The following L3MBTL4 variants were observed in gnomAD, a reference collection of about 807,000 sequenced individuals.
L3MBTL4 encodes lethal(3)malignant brain tumor-like protein 4.
A neutral mutation model predicts 84.5 loss-of-function variants in L3MBTL4; 70 were observed. The observed-to-expected ratio is 0.83, with a 90% CI of 0.68 to 1.01. The LOEUF (loss-of-function observed/expected upper bound fraction) is 1.01, where lower values mean the gene tolerates loss of function less well. Ranked by LOEUF, L3MBTL4 falls within the 50% of genes least tolerant of loss-of-function variation. L3MBTL4 has a pLI of 0.00. For synonymous variants in L3MBTL4, 274 were observed against 259.8 expected (o/e 1.05, Z -0.52); for missense variants, 715 against 754.8 (o/e 0.95, Z 0.62).
intron 12 of L3MBTL4, among the ~76,000 whole-genome samples, chr18:6,187,939 T>C (rs555687834): frequency 6.6e-6 from 1 of 151,850 alleles, no homozygotes; most frequent in East Asian, 1.9e-4. Context: ...TAACCTAAAT[T>C]AAAATAATCA....
intron 1 of L3MBTL4, among the ~76,000 whole-genome samples, chr18:6,343,679 G>T (rs201180278): frequency 7.4e-6 from 1 of 135,650 alleles, no homozygotes; most frequent in Non-Finnish European, 1.6e-5. Context: ...AAAAAAAAAA[G>T]AAGTTGTAAA....
chr18:6,041,580 G>A (rs182287484), intron 16 of L3MBTL4, among the ~76,000 whole-genome samples: 1 of 149,066 alleles, frequency 6.7e-6, no homozygotes, highest in African/African-American at 2.5e-5. Context: ...TGCTCTTCCT[G>A]TGCGTGCATA....
intron 1 of L3MBTL4, among the ~76,000 whole-genome samples, chr18:6,352,250 C>G (rs565080501): frequency 5.3e-5 from 8 of 152,316 alleles, no homozygotes; most frequent in African/African-American, 1.9e-4. Flanking sequence ...GATCATTTCA[C>G]CTCAAAGTAA....
At chr18:6,119,853 T>C (rs1371904323) in intron 14 of L3MBTL4, among the ~76,000 whole-genome samples, 4 of 151,956 alleles carry the variant, frequency 2.6e-5, no homozygotes, top group Non-Finnish European at 5.9e-5. Context: ...GGAGAAAGAG[T>C]ATCAGATGAG....
intron 12 of L3MBTL4, among the ~76,000 whole-genome samples, chr18:6,186,666 G>A (rs934542806): frequency 6.6e-6 from 1 of 152,180 alleles, no homozygotes; most frequent in Non-Finnish European, 1.5e-5. Flanking sequence ...CAGTCCAAGG[G>A]CAGAAAGGCA....
intron 15 of L3MBTL4, among the ~76,000 whole-genome samples, chr18:6,091,216 G>A (rs1039614344): frequency 3.9e-5 from 6 of 152,048 alleles, no homozygotes; most frequent in South Asian, 2.1e-4. Context: ...ATTCCTTGTC[G>A]ATTCCTTTGT....
intron 3 of L3MBTL4, among the ~76,000 whole-genome samples, chr18:6,305,822 C>T (rs569681263): frequency 5.3e-5 from 8 of 152,322 alleles, no homozygotes; most frequent in East Asian, 3.9e-4. Flanking sequence ...TACTACAAGG[C>T]ACAGTGACGT....
intron 16 of L3MBTL4, chr18:6,017,816 CG>C (rs775038229): frequency 5.9e-5 from 9 of 152,186 alleles, no homozygotes; most frequent in Non-Finnish European, 1.3e-4. Context: ...AAGATGTAGT[CG>C]TTCTGACAAG....
intron 4 of L3MBTL4, among the ~76,000 whole-genome samples, chr18:6,283,257 G>A (rs1316972932): frequency 6.6e-6 from 1 of 152,040 alleles, no homozygotes; most frequent in Non-Finnish European, 1.5e-5. Flanking sequence ...CAAACTATTG[G>A]CAAAAATCTA....
chr18:6,029,192 CAAAAGTAGA>C (rs2055655615), intron 16 of L3MBTL4, among the ~76,000 whole-genome samples: 1 of 152,096 alleles, frequency 6.6e-6, no homozygotes, highest in African/African-American at 2.4e-5. Context: ...AAAATTAAAG[CAAAAGTAGA>C]ATTAAGTGAA....
intron 1 of L3MBTL4, among the ~76,000 whole-genome samples, chr18:6,362,946 C>T (rs2053773311): frequency 1.3e-5 from 2 of 152,208 alleles, no homozygotes; most frequent in African/African-American, 4.8e-5. Context: ...CTCTGATGCC[C>T]GCGGAAAGCA....
intron 16 of L3MBTL4, among the ~76,000 whole-genome samples, chr18:6,077,334 T>C (rs1314471398): frequency 1.3e-5 from 2 of 152,192 alleles, no homozygotes; most frequent in African/African-American, 4.8e-5. Flanking sequence ...CTACAGACTT[T>C]TATCATTACA....
chr18:5,992,196 T>G (rs971291954), intron 16 of L3MBTL4, among the ~76,000 whole-genome samples: 7 of 152,060 alleles, frequency 4.6e-5, no homozygotes, highest in African/African-American at 1.7e-4. Flanking sequence ...AGGCTGACAA[T>G]AGGGCATGAT....
At chr18:6,041,099 C>A (rs1366171974) in intron 16 of L3MBTL4, among the ~76,000 whole-genome samples, 1 of 152,230 alleles carries the variant, frequency 6.6e-6, no homozygotes, top group Non-Finnish European at 1.5e-5. Context: ...TCACATTATT[C>A]AATCCTCCCA....
chr18:6,229,275 A>C (rs1286639684), intron 10 of L3MBTL4, among the ~76,000 whole-genome samples: 5 of 152,138 alleles, frequency 3.3e-5, no homozygotes, highest in African/African-American at 1.2e-4. Flanking sequence ...CTTGTAATAC[A>C]ACTAAGTATG....
At chr18:6,157,332 G>A (rs55915629) in intron 13 of L3MBTL4, among the ~76,000 whole-genome samples, 3,707 of 152,076 alleles carry the variant, frequency 0.024, 89 homozygotes, top group Non-Finnish European at 0.029. Flanking sequence ...TTTTTTCCTC[G>A]GAATGACATC....
intron 14 of L3MBTL4, 44 bp downstream of exon 14, chr18:6,138,150 G>T: frequency 1.5e-6 from 2 of 1,334,308 alleles, no homozygotes; most frequent in Non-Finnish European, 2.1e-6. Flanking sequence ...TCTGCAGAAT[G>T]TTTCCATTCA....
intron 12 of L3MBTL4, among the ~76,000 whole-genome samples, chr18:6,186,652 A>G (rs8090462): frequency 0.033 from 4,990 of 152,260 alleles, 271 homozygotes; most frequent in African/African-American, 0.11. Context: ...GTGGAGGTGG[A>G]GGGCAGTCCA....
At chr18:6,145,586 G>T (rs1568197167) in intron 13 of L3MBTL4, among the ~76,000 whole-genome samples, 2 of 145,144 alleles carry the variant, frequency 1.4e-5, no homozygotes, top group Non-Finnish European at 3.0e-5. Flanking sequence ...CATTTAGCAA[G>T]TTTTTTTTTT....
Sources: allele counts gnomAD v4.1 joint callset (sites outside exome capture counted in the v4.1 genomes callset), GRCh38; gene constraint gnomAD v4.1.1; transcripts MANE v1.5; gene names NCBI Gene and HGNC (gene_info 2026-07-23, HGNC 2026-07-21).